Variants in TSPAN9 observed in about 807,000 individuals in gnomAD.
TSPAN9 encodes the protein tetraspanin-9.
A neutral mutation model predicts 31.0 loss-of-function variants in TSPAN9; 16 were observed. The observed-to-expected ratio is 0.52, with a 90% CI of 0.35 to 0.78. The LOEUF (loss-of-function observed/expected upper bound fraction) is 0.78, where lower values mean the gene tolerates loss of function less well. Ranked by LOEUF, TSPAN9 falls within the 30% of genes least tolerant of loss-of-function variation. The pLI, the probability that TSPAN9 is intolerant of heterozygous loss-of-function variation, is 0.01. For missense variants in TSPAN9, 272 were observed against 312.5 expected, an observed-to-expected ratio of 0.87 and a Z score of 0.98; for synonymous variants, 145 against 121.6, an observed-to-expected ratio of 1.19 and a Z score of -1.27.
intron 2 of TSPAN9, among the ~76,000 whole-genome samples, chr12:3,188,021 G>A (rs958047067): frequency 6.6e-6 from 1 of 152,122 alleles, no homozygotes; most frequent in Non-Finnish European, 1.5e-5. Context: ...GGGTGCTGGG[G>A]AACTCTGCAG....
intron 2 of TSPAN9, among the ~76,000 whole-genome samples, chr12:3,109,299 T>TGTGTGTATGTGTGTGTGTGTGAGAGAGA (rs1274383200): frequency 1.7e-5 from 2 of 118,304 alleles, no homozygotes; most frequent in African/African-American, 9.1e-5. Flanking sequence ...TGTGTGTGTG[T>TGTGTGTATGTGTGTGTGTGTGAGAGAGA]GAGAGAGAGT....
At chr12:3,267,018 A>G (rs552582904) in intron 3 of TSPAN9, among the ~76,000 whole-genome samples, 63 of 152,216 alleles carry the variant, frequency 4.1e-4, no homozygotes, top group African/African-American at 1.4e-3. Flanking sequence ...ACATTATTGA[A>G]AGGGCCTCCG....
chr12:3,163,167 G>T (rs1489049130), intron 2 of TSPAN9, among the ~76,000 whole-genome samples: 1 of 152,214 alleles, frequency 6.6e-6, no homozygotes, highest in Non-Finnish European at 1.5e-5. Flanking sequence ...GTGGTTGAAT[G>T]AATGAATGCT....
intron 3 of TSPAN9, among the ~76,000 whole-genome samples, chr12:3,216,483 C>G (rs1376316416): frequency 6.6e-6 from 1 of 152,188 alleles, no homozygotes; most frequent in Non-Finnish European, 1.5e-5. Context: ...TCAAGCCTCC[C>G]TTTTACCAGG....
chr12:3,272,753 G>A (rs1028548750), intron 3 of TSPAN9, among the ~76,000 whole-genome samples: 1 of 152,228 alleles, frequency 6.6e-6, no homozygotes, highest in Non-Finnish European at 1.5e-5. Context: ...ATGGAAGTGG[G>A]TGGAGAAGCT....
At chr12:3,179,850 G>T (rs1043046921) in intron 2 of TSPAN9, among the ~76,000 whole-genome samples, 1 of 152,148 alleles carries the variant, frequency 6.6e-6, no homozygotes, top group African/African-American at 2.4e-5. Flanking sequence ...GACGGACTCA[G>T]AACACATTTC....
intron 1 of TSPAN9, among the ~76,000 whole-genome samples, chr12:3,081,834 G>GTATATATATA (rs1477420908): frequency 2.6e-5 from 2 of 75,760 alleles, no homozygotes; most frequent in African/African-American, 1.4e-4. Flanking sequence ...GTGTGTGTGT[G>GTATATATATA]TCTGTGTGTG....
intron 3 of TSPAN9, among the ~76,000 whole-genome samples, chr12:3,253,557 A>C (rs1330751453): frequency 2.0e-5 from 3 of 152,230 alleles, no homozygotes. Flanking sequence ...GGCCAGTGCC[A>C]TGGGGTTTGC....
At chr12:3,219,103 G>A (rs1176623031) in intron 3 of TSPAN9, among the ~76,000 whole-genome samples, 1 of 152,226 alleles carries the variant, frequency 6.6e-6, no homozygotes, top group Non-Finnish European at 1.5e-5. Context: ...CCCACCCGTG[G>A]GCGGCCGGGG....
rs1251401452 is a variant in TSPAN9 at position 3,147,730 on chromosome 12, TG to T, written c.-17-53445del. Among the ~76,000 whole-genome samples, 1 of 152,230 alleles carries T rather than the reference TG, an allele frequency of 6.6e-6. No individual in the cohort carries two copies. The highest frequency in any genetic ancestry group is 1.5e-5 in the Non-Finnish European group (1 of 68,040). On this transcript the variant is annotated intron_variant, in intron 2 of 8. Coordinates refer to ENST00000011898, the MANE Select transcript of TSPAN9 (RefSeq NM_006675.5). The surrounding 1 kb of genome is among the most constrained non-coding windows in gnomAD (Gnocchi z 4.3). ...TTTTAACTTAAAATGGAAATGTAGG[TG>T]GCCACATGTTGCTAGTGGCTGCCAC...
intron 2 of TSPAN9, among the ~76,000 whole-genome samples, chr12:3,158,024 A>G (rs778125512): frequency 2.6e-5 from 4 of 152,204 alleles, no homozygotes; most frequent in Admixed American, 2.6e-4. Context: ...AATGGAAAAG[A>G]TGAAGGACTG....
chr12:3,226,366 C>T (rs905824479), intron 3 of TSPAN9, among the ~76,000 whole-genome samples: 8 of 151,878 alleles, frequency 5.3e-5, no homozygotes, highest in South Asian at 4.1e-4. Flanking sequence ...GGGAATGATC[C>T]GCTCTTGAAA....
chr12:3,095,733 C>T lies in TSPAN9; in HGVS notation c.-18+12014C>T, dbSNP rs1419475528. ...GCAGAGGCGCTCCCCACATCTCAGACGATGGGCGGCCGGGCAGAGACGCTC... is the reference window on the plus strand; with the variant it reads ...GCAGAGGCGCTCCCCACATCTCAGATGATGGGCGGCCGGGCAGAGACGCTC... On this transcript the variant is annotated intron_variant, in intron 2 of 8. Coordinates refer to ENST00000011898, the MANE Select transcript of TSPAN9 (RefSeq NM_006675.5). 4.0e-5 allele frequency among the ~76,000 whole-genome samples: 6 copies of T among 148,658 alleles called. No homozygotes were observed. In the South Asian group the frequency reaches 6.5e-4, roughly 16 times the overall value.
In TSPAN9 at chr12:3,079,771, A is replaced by ATT. The variant is rs34675914; in HGVS notation, c.-85+2335_-85+2336dup. On this transcript the variant is annotated intron_variant, in intron 1 of 8. Transcript: ENST00000011898. ...ACCACCGTACTTAGCCCCTTCTTCT[A>ATT]TTTTTTTTTTTTTTTTTTAGAGACA... Among the ~76,000 whole-genome samples the ATT allele has an allele frequency of 5.4e-3, 704 of 129,656 alleles. 8 individuals are homozygous for ATT. Among genetic ancestry groups the ATT allele is most frequent in the African/African-American group, 0.015 (533 of 34,644 alleles). The allele number at this position is 129,656 out of a possible 152,430, so 85.1% of individuals were successfully genotyped here.
chr12:3,127,793 G>A (rs2098328027), intron 2 of TSPAN9, among the ~76,000 whole-genome samples: 1 of 152,124 alleles, frequency 6.6e-6, no homozygotes, highest in African/African-American at 2.4e-5. Flanking sequence ...TGCTGTGGTA[G>A]ACATATTTTT....
chr12:3,149,912 C>T lies in TSPAN9; in HGVS notation c.-17-51265C>T, dbSNP rs1368010482. ...AGAAATCCCTTGCTGAACAGATATT[C>T]GTAAGTGCTTTTCTCTGAAGTATGC... On this transcript the variant is annotated intron_variant, in intron 2 of 8. Transcript: ENST00000011898. 3.3e-5 allele frequency: 5 copies of T among 152,364 alleles called. No individual in the cohort carries two copies. The East Asian group carries it at 5.8e-4, about 18-fold the overall frequency. 9.4% of individuals were successfully genotyped at this position (152,364 alleles called of 1,614,324 possible).
intron 2 of TSPAN9, among the ~76,000 whole-genome samples, chr12:3,158,038 G>A (rs981489651): frequency 1.3e-5 from 2 of 152,184 alleles, no homozygotes; most frequent in African/African-American, 2.4e-5. Context: ...AGGACTGTCA[G>A]CACCAGATCA....
intron 2 of TSPAN9, among the ~76,000 whole-genome samples, chr12:3,199,311 C>T (rs892835470): frequency 2.3e-4 from 35 of 152,320 alleles, no homozygotes; most frequent in African/African-American, 8.4e-4. Flanking sequence ...CGGGTGCTCT[C>T]AGTACTCTCT....
chr12:3,218,608 G>A (rs1459563276), intron 3 of TSPAN9, among the ~76,000 whole-genome samples: 1 of 152,162 alleles, frequency 6.6e-6, no homozygotes, highest in Non-Finnish European at 1.5e-5. Flanking sequence ...GATAAAAGTA[G>A]GACCTGGGAA....
Sources: allele counts gnomAD v4.1 joint callset (sites outside exome capture counted in the v4.1 genomes callset), GRCh38; gene constraint gnomAD v4.1.1; non-coding constraint Gnocchi (gnomAD v3.1); transcripts MANE v1.5; gene names NCBI Gene and HGNC (gene_info 2026-07-23, HGNC 2026-07-21).